The following EYS variants were observed in gnomAD, a reference collection of about 807,000 sequenced individuals.
The protein encoded by EYS is EGF-like photoreceptor maintenance factor.
Under a neutral mutation model 282.1 loss-of-function variants are expected in EYS, and 250 were observed. That is an observed-to-expected ratio of 0.89 (90% CI 0.80 to 0.98). EYS has a LOEUF of 0.98. EYS is among the 50% of genes least tolerant of loss of function. The pLI is 0.00. For missense variants in EYS, 4,016 were observed against 3,709.0 expected (o/e 1.08, Z -2.15); for synonymous variants, 1,355 against 1,282.9 (o/e 1.06, Z -1.20).
intron 11 of EYS, among the ~76,000 whole-genome samples, chr6:65,307,471 T>C (rs1201854749): frequency 4.0e-5 from 6 of 151,522 alleles, no homozygotes; most frequent in Non-Finnish European, 8.8e-5. Context: ...CTCATGTATT[T>C]TGTCCAATTT....
At chr6:65,625,990 C>T (rs566705909) in intron 2 of EYS, among the ~76,000 whole-genome samples, 1 of 152,142 alleles carries the variant, frequency 6.6e-6, no homozygotes, top group African/African-American at 2.4e-5. Context: ...TATTCCTTCC[C>T]TTCCTTTAAT....
chr6:65,057,489 G>T, intron 13 of EYS, 125 bp downstream of exon 13: 1 of 709,220 alleles, frequency 1.4e-6, no homozygotes. Flanking sequence ...CACTTTAGAA[G>T]CTGACTTTAA....
intron 8 of EYS, among the ~76,000 whole-genome samples, chr6:65,377,278 CTT>C (rs1029193558): frequency 4.7e-4 from 72 of 152,118 alleles, no homozygotes; most frequent in African/African-American, 1.7e-3. Flanking sequence ...CTCAATGACT[CTT>C]GGGTAAGTAA....
chr6:63,787,410 C>G (rs573876376), intron 39 of EYS: 1 of 152,192 alleles, frequency 6.6e-6, no homozygotes, highest in Non-Finnish European at 1.5e-5. Flanking sequence ...TACTGTGACT[C>G]TTTGAAGTCT....
At chr6:64,102,029 G>C (rs926017628) in intron 31 of EYS, among the ~76,000 whole-genome samples, 1 of 152,156 alleles carries the variant, frequency 6.6e-6, no homozygotes, top group Admixed American at 6.5e-5. Context: ...GGGAGTGGCT[G>C]TAAGTACAGA....
intron 7 of EYS, among the ~76,000 whole-genome samples, chr6:65,389,192 C>A (rs1165725503): frequency 6.6e-6 from 1 of 152,102 alleles, no homozygotes; most frequent in African/African-American, 2.4e-5. Flanking sequence ...AGCAACACTG[C>A]AATACTTGCC....
chr6:64,726,256 A>T (rs1266462066), intron 22 of EYS, among the ~76,000 whole-genome samples: 3 of 152,112 alleles, frequency 2.0e-5, no homozygotes, highest in Admixed American at 6.5e-5. Context: ...TTTGGATGTT[A>T]TGATGTGTGA....
chr6:63,977,176 A>C (rs1766877002), intron 35 of EYS, among the ~76,000 whole-genome samples: 1 of 151,842 alleles, frequency 6.6e-6, no homozygotes, highest in Non-Finnish European at 1.5e-5. Context: ...ATGTATAATA[A>C]AAATTTTACA....
chr6:64,763,701 C>T (rs1317338252), intron 22 of EYS, among the ~76,000 whole-genome samples: 1 of 152,144 alleles, frequency 6.6e-6, no homozygotes, highest in Non-Finnish European at 1.5e-5. Context: ...AATCCAAAGT[C>T]TCATCTGAGA....
chr6:65,344,789 G>A (rs1409216395), intron 9 of EYS, among the ~76,000 whole-genome samples: 1 of 151,634 alleles, frequency 6.6e-6, no homozygotes. Context: ...TAGGGAAAAA[G>A]GAGTTAATTA....
At chr6:65,681,949 C>T (rs1562325721) in intron 1 of EYS, among the ~76,000 whole-genome samples, 1 of 151,854 alleles carries the variant, frequency 6.6e-6, no homozygotes, top group South Asian at 2.1e-4. Context: ...TTGGTAAGTG[C>T]CAATCAGCAA....
intron 29 of EYS, among the ~76,000 whole-genome samples, chr6:64,330,101 T>G (rs1020434871): frequency 6.6e-6 from 1 of 152,096 alleles, no homozygotes; most frequent in African/African-American, 2.4e-5. Context: ...TATAGATGAT[T>G]TATTGTTAGC....
At chr6:64,666,994 C>T (rs1243158048) in intron 22 of EYS, among the ~76,000 whole-genome samples, 1 of 151,906 alleles carries the variant, frequency 6.6e-6, no homozygotes, top group Non-Finnish European at 1.5e-5. Flanking sequence ...TATTACAGTT[C>T]AATGGCATTT....
At chr6:64,095,534 T>C (rs1772564001) in intron 31 of EYS, among the ~76,000 whole-genome samples, 1 of 152,142 alleles carries the variant, frequency 6.6e-6, no homozygotes, top group African/African-American at 2.4e-5. Flanking sequence ...CTTTTGATCT[T>C]TGTTGGTTTA....
chr6:65,627,885 C>A (rs12211385), intron 2 of EYS, among the ~76,000 whole-genome samples: 1 of 152,114 alleles, frequency 6.6e-6, no homozygotes, highest in African/African-American at 2.4e-5. Context: ...CCCTGCTCTA[C>A]GGCGCCCAGT....
intron 22 of EYS, among the ~76,000 whole-genome samples, chr6:64,706,911 C>T (rs967442423): frequency 6.6e-6 from 1 of 152,026 alleles, no homozygotes; most frequent in Non-Finnish European, 1.5e-5. Context: ...TGTGGAAATT[C>T]CTTAAAGAAC....
At chr6:64,980,406 C>T (rs969247789) in intron 14 of EYS, among the ~76,000 whole-genome samples, 1 of 151,332 alleles carries the variant, frequency 6.6e-6, no homozygotes, top group Non-Finnish European at 1.5e-5. Flanking sequence ...TAGTCTGTAG[C>T]CTCAAGATAA....
chr6:65,490,517 T>C, intron 5 of EYS, 77 bp downstream of exon 5: 1 of 823,470 alleles, frequency 1.2e-6, no homozygotes, highest in Non-Finnish European at 2.0e-6. Flanking sequence ...AAAGGAAATA[T>C]TTCACATTTA....
intron 5 of EYS, among the ~76,000 whole-genome samples, chr6:65,447,857 C>T (rs1768736046): frequency 6.6e-6 from 1 of 151,908 alleles, no homozygotes; most frequent in Admixed American, 6.6e-5. Flanking sequence ...AGTTGTCTAG[C>T]TTCATGTTGG....
Sources: allele counts gnomAD v4.1 joint callset (sites outside exome capture counted in the v4.1 genomes callset), GRCh38; gene constraint gnomAD v4.1.1; transcripts MANE v1.5; gene names NCBI Gene and HGNC (gene_info 2026-07-23, HGNC 2026-07-21).